The following ZFAND3 variants were observed in gnomAD, a reference collection of about 807,000 sequenced individuals.
ZFAND3 encodes the protein zinc finger AN1-type containing 3, also known as AN1-type zinc finger protein 3.
In ZFAND3, 10 loss-of-function variants were observed where a neutral mutation model predicts 29.6. The observed-to-expected ratio is 0.34, with a 90% CI of 0.21 to 0.57. The LOEUF (loss-of-function observed/expected upper bound fraction) is 0.57, where lower values mean the gene tolerates loss of function less well. ZFAND3 is among the 20% of genes least tolerant of loss of function. The pLI, the probability that ZFAND3 is intolerant of heterozygous loss-of-function variation, is 0.86. For missense variants in ZFAND3, 230 were observed against 304.5 expected, an observed-to-expected ratio of 0.76 and a Z score of 1.82; for synonymous variants, 128 against 112.6, an observed-to-expected ratio of 1.14 and a Z score of -0.87.
intron 2 of ZFAND3, among the ~76,000 whole-genome samples, chr6:38,036,781 T>A (rs1334833225): frequency 1.3e-5 from 2 of 152,140 alleles, no homozygotes; most frequent in Non-Finnish European, 2.9e-5. Flanking sequence ...ATCTTTTTCT[T>A]TCAAAAATTT....
At chr6:38,023,617 A>C (rs1226537574) in intron 2 of ZFAND3, among the ~76,000 whole-genome samples, 1 of 152,182 alleles carries the variant, frequency 6.6e-6, no homozygotes, top group Non-Finnish European at 1.5e-5. Context: ...TGGCATAGGC[A>C]AGGAAGAAAC....
intron 1 of ZFAND3, among the ~76,000 whole-genome samples, chr6:37,911,585 A>C (rs935706120): frequency 1.8e-4 from 27 of 152,160 alleles, no homozygotes; most frequent in Admixed American, 5.2e-4. Context: ...AGTTGTCCTG[A>C]CCATGCTTGG....
intron 1 of ZFAND3, among the ~76,000 whole-genome samples, chr6:37,827,655 A>C (rs2127366151): frequency 6.6e-6 from 1 of 152,360 alleles, no homozygotes; most frequent in African/African-American, 2.4e-5. Context: ...AAGTGAATGA[A>C]AATGCATGTC....
chr6:37,861,037 T>G (rs569127073), intron 1 of ZFAND3, among the ~76,000 whole-genome samples: 1 of 152,138 alleles, frequency 6.6e-6, no homozygotes, highest in African/African-American at 2.4e-5. Flanking sequence ...GGCGGGCAAA[T>G]CACTTGGCAA....
At chr6:37,886,063 C>T (rs2127394143) in intron 1 of ZFAND3, among the ~76,000 whole-genome samples, 1 of 151,724 alleles carries the variant, frequency 6.6e-6, no homozygotes, top group South Asian at 2.1e-4. Context: ...AATGGTGAAA[C>T]CCCATCTCTA....
At chr6:37,993,289 G>A (rs1479137832) in intron 2 of ZFAND3, among the ~76,000 whole-genome samples, 1 of 151,810 alleles carries the variant, frequency 6.6e-6, no homozygotes, top group Non-Finnish European at 1.5e-5. Context: ...GCTGATTTCT[G>A]TTCGCCTTTA....
intron 2 of ZFAND3, among the ~76,000 whole-genome samples, chr6:37,936,785 T>C (rs1561939876): frequency 6.6e-6 from 1 of 152,346 alleles, no homozygotes; most frequent in East Asian, 1.9e-4. Context: ...GTGAAGTGAA[T>C]TTATACAATC....
At chr6:37,852,433 A>C (rs1764297477) in intron 1 of ZFAND3, among the ~76,000 whole-genome samples, 1 of 152,166 alleles carries the variant, frequency 6.6e-6, no homozygotes, top group Non-Finnish European at 1.5e-5. Context: ...GTTTGCTTGA[A>C]GATTTTTCTT....
chr6:37,857,147 C>T (rs957214273), intron 1 of ZFAND3, among the ~76,000 whole-genome samples: 5 of 152,058 alleles, frequency 3.3e-5, no homozygotes, highest in Admixed American at 6.6e-5. Flanking sequence ...CCATGTATAG[C>T]TGTCCTTTTT....
chr6:37,886,115 G>A (rs1764984616), intron 1 of ZFAND3, among the ~76,000 whole-genome samples: 1 of 151,688 alleles, frequency 6.6e-6, no homozygotes, highest in South Asian at 2.1e-4. Flanking sequence ...GCAGGTGCCT[G>A]TAGTCCCAGC....
At chr6:37,896,857 G>C (rs1022932522) in intron 1 of ZFAND3, among the ~76,000 whole-genome samples, 3 of 151,882 alleles carry the variant, frequency 2.0e-5, no homozygotes, top group African/African-American at 7.3e-5. Flanking sequence ...AACCGAGACT[G>C]AGATTTTCTT....
At chr6:37,976,973 T>C (rs116267007) in intron 2 of ZFAND3, among the ~76,000 whole-genome samples, 1 of 152,286 alleles carries the variant, frequency 6.6e-6, no homozygotes, top group Non-Finnish European at 1.5e-5. Context: ...TGAAGACAGT[T>C]TTACTTCTTT....
At chr6:38,036,368 A>G (rs774760765) in intron 2 of ZFAND3, among the ~76,000 whole-genome samples, 5 of 152,188 alleles carry the variant, frequency 3.3e-5, no homozygotes, top group Non-Finnish European at 5.9e-5. Context: ...TAAACAAACA[A>G]CAAGCAACAC....
intron 3 of ZFAND3, among the ~76,000 whole-genome samples, chr6:38,073,543 T>C (rs527780583): frequency 6.6e-6 from 1 of 152,178 alleles, no homozygotes; most frequent in Non-Finnish European, 1.5e-5. Context: ...AAATATGCTT[T>C]GTCACAAGAG....
intron 2 of ZFAND3, among the ~76,000 whole-genome samples, chr6:38,020,224 C>T (rs968501032): frequency 4.6e-5 from 7 of 152,116 alleles, no homozygotes; most frequent in African/African-American, 1.7e-4. Context: ...AGAGTAGTTA[C>T]GAGAATTGGA....
intron 2 of ZFAND3, among the ~76,000 whole-genome samples, chr6:37,980,615 T>C (rs1762563213): frequency 6.6e-6 from 1 of 152,156 alleles, no homozygotes; most frequent in Non-Finnish European, 1.5e-5. Flanking sequence ...GCACAATACA[T>C]CCCCTTGCAG....
At chr6:38,091,294 G>T (rs1342166534) in intron 4 of ZFAND3, among the ~76,000 whole-genome samples, 3 of 146,900 alleles carry the variant, frequency 2.0e-5, no homozygotes, top group South Asian at 2.1e-4. Context: ...GTTACAGCTG[G>T]TTTTTTTTTT....
chr6:37,830,222 A>G (rs1334926897), intron 1 of ZFAND3, among the ~76,000 whole-genome samples: 1 of 152,164 alleles, frequency 6.6e-6, no homozygotes, highest in East Asian at 1.9e-4. Context: ...AAGGGAAAGG[A>G]CACAGAAGGT....
intron 2 of ZFAND3, among the ~76,000 whole-genome samples, chr6:38,030,974 A>G (rs1444578452): frequency 5.3e-5 from 8 of 152,168 alleles, no homozygotes; most frequent in African/African-American, 1.7e-4. Context: ...AGGGCAATAA[A>G]TGGTGCAAAA....
Sources: gnomAD v4.1 joint callset for allele counts (sites outside exome capture counted in the v4.1 genomes callset) on GRCh38, gnomAD v4.1.1 for gene constraint, MANE v1.5 for transcripts, NCBI Gene and HGNC (gene_info 2026-07-23, HGNC 2026-07-21) for gene names.